HSD17B12: variants seen among roughly 807,000 people sequenced by gnomAD.
The protein encoded by HSD17B12 is hydroxysteroid 17-beta dehydrogenase 12, also known as very-long-chain 3-oxoacyl-CoA reductase.
In HSD17B12, 32 loss-of-function variants were observed where a neutral mutation model predicts 39.3. The ratio of observed to expected loss-of-function variants is 0.81; its 90% confidence interval spans 0.61 to 1.09. The LOEUF is 1.09. Among genes scored for constraint, HSD17B12 ranks in the 50% least tolerant of loss-of-function variants. HSD17B12 has a pLI of 0.00. For missense variants in HSD17B12, 342 were observed against 382.9 expected (o/e 0.89, Z 0.89); for synonymous variants, 150 against 146.7 (o/e 1.02, Z -0.16).
At chr11:43,694,611 C>T (rs371546367) in intron 1 of HSD17B12, among the ~76,000 whole-genome samples, 4 of 151,972 alleles carry the variant, frequency 2.6e-5, no homozygotes, top group East Asian at 3.9e-4. Flanking sequence ...TTGTTTGAGC[C>T]CCGGAGATTG....
chr11:43,761,142 C>T (rs1950552021), intron 3 of HSD17B12, among the ~76,000 whole-genome samples: 1 of 152,158 alleles, frequency 6.6e-6, no homozygotes, highest in Non-Finnish European at 1.5e-5. Context: ...AATCCTTGTT[C>T]CTTACTAGTG....
At chr11:43,571,066 C>T in the HSD17B12 span, among the ~76,000 whole-genome samples, 2 of 152,258 alleles carry the variant, frequency 1.3e-5, no homozygotes, top group African/African-American at 4.8e-5. Context: ...CTTGGCCTAC[C>T]AGATATAGTG....
At chr11:43,729,467 C>T (rs765624102) in intron 1 of HSD17B12, among the ~76,000 whole-genome samples, 5 of 152,102 alleles carry the variant, frequency 3.3e-5, no homozygotes, top group African/African-American at 4.8e-5. Context: ...AGCTCTAGTC[C>T]AGACAGTAAA....
chr11:43,605,886 G>C, the HSD17B12 span, among the ~76,000 whole-genome samples: 13 of 152,202 alleles, frequency 8.5e-5, no homozygotes, highest in Non-Finnish European at 1.8e-4. Context: ...ATGTGTGTTT[G>C]AAAATACAGC....
At chr11:43,798,645 T>G (rs957756348) in intron 4 of HSD17B12, among the ~76,000 whole-genome samples, 26 of 152,278 alleles carry the variant, frequency 1.7e-4, no homozygotes, top group Admixed American at 1.7e-3. Context: ...TTTTCCTTGT[T>G]ATTTCTCTTA....
intron 1 of HSD17B12, among the ~76,000 whole-genome samples, chr11:43,742,692 G>A (rs1950378544): frequency 1.3e-5 from 2 of 151,794 alleles, no homozygotes; most frequent in African/African-American, 2.4e-5. Flanking sequence ...ACTAATTATT[G>A]TAGAACTACA....
the HSD17B12 span, among the ~76,000 whole-genome samples, chr11:43,653,764 T>C: frequency 3.3e-5 from 5 of 152,264 alleles, no homozygotes; most frequent in South Asian, 1.0e-3. Flanking sequence ...TATTCCATGG[T>C]GTATATGTGC....
intron 3 of HSD17B12, among the ~76,000 whole-genome samples, chr11:43,782,373 A>T (rs1950774140): frequency 6.6e-6 from 1 of 152,146 alleles, no homozygotes; most frequent in Middle Eastern, 3.2e-3. Context: ...ACAAATTATA[A>T]TCTGTTAATT....
chr11:43,749,603 T>C (rs1455441861), intron 1 of HSD17B12, among the ~76,000 whole-genome samples: 1 of 152,048 alleles, frequency 6.6e-6, no homozygotes, highest in Non-Finnish European at 1.5e-5. Context: ...TAGGGGTTTG[T>C]TATACTGTTC....
At chr11:43,685,071 G>A (rs1045107420) in intron 1 of HSD17B12, among the ~76,000 whole-genome samples, 1 of 152,162 alleles carries the variant, frequency 6.6e-6, no homozygotes, top group Non-Finnish European at 1.5e-5. Context: ...GTTTTGTGGA[G>A]TGAGGTCAGA....
chr11:43,668,199 C>T, the HSD17B12 span, among the ~76,000 whole-genome samples: 1 of 152,210 alleles, frequency 6.6e-6, no homozygotes, highest in Admixed American at 6.5e-5. Context: ...GCTAAAGTCA[C>T]TGCATTATTT....
intron 7 of HSD17B12, 64 bp from the exon 8 acceptor site, chr11:43,838,253 G>A (rs997271376): frequency 9.5e-7 from 1 of 1,048,386 alleles, no homozygotes; most frequent in Non-Finnish European, 1.5e-6. Context: ...ATCTCAATCT[G>A]TAATTCACAA....
At chr11:43,703,463 G>A (rs2134815478) in intron 1 of HSD17B12, among the ~76,000 whole-genome samples, 1 of 152,238 alleles carries the variant, frequency 6.6e-6, no homozygotes, top group Non-Finnish European at 1.5e-5. Flanking sequence ...CAAAGTGCTG[G>A]GATTACAGGT....
At chr11:43,572,793 C>T in the HSD17B12 span, among the ~76,000 whole-genome samples, 1 of 152,216 alleles carries the variant, frequency 6.6e-6, no homozygotes, top group African/African-American at 2.4e-5. Context: ...TTCTCTCTCC[C>T]TCTTTTCCTT....
intron 1 of HSD17B12, among the ~76,000 whole-genome samples, chr11:43,734,758 GAA>G (rs1950302094): frequency 6.6e-6 from 1 of 152,210 alleles, no homozygotes; most frequent in Non-Finnish European, 1.5e-5. Context: ...AGGGTTAAAA[GAA>G]ATTCAAGTAA....
chr11:43,756,487 CTG>C (rs1473995810), intron 3 of HSD17B12, among the ~76,000 whole-genome samples: 1 of 152,146 alleles, frequency 6.6e-6, no homozygotes. Context: ...GATCTTAGCA[CTG>C]TTTCATTCTT....
intron 4 of HSD17B12, among the ~76,000 whole-genome samples, chr11:43,801,446 G>T (rs541989499): frequency 6.6e-6 from 1 of 152,218 alleles, no homozygotes; most frequent in African/African-American, 2.4e-5. Context: ...TGACTTTCAG[G>T]TTGTGGCTTG....
At chr11:43,802,447 A>G (rs1229200134) in intron 4 of HSD17B12, among the ~76,000 whole-genome samples, 1 of 152,178 alleles carries the variant, frequency 6.6e-6, no homozygotes, top group Non-Finnish European at 1.5e-5. Context: ...TTAATAGCAT[A>G]TCTCAATTCA....
Position 43,741,894 on chromosome 11 carries a change from T to C in HSD17B12, c.161-9017T>C, listed in dbSNP as rs910149623. On this transcript the variant is annotated intron_variant, in intron 1 of 10. Coordinates refer to ENST00000278353, the MANE Select transcript of HSD17B12 (RefSeq NM_016142.3). ...GACTACAGGCGCCTGCCACCACGCC[T>C]GGCTAATTTTTTTGTGTTTTTAGTA... Among the ~76,000 whole-genome samples the C allele has an allele frequency of 3.3e-5, 5 of 149,678 alleles. No individual in the cohort carries two copies. In the South Asian group the frequency reaches 6.3e-4, roughly 19 times the overall value.
Sources: allele counts gnomAD v4.1 joint callset (sites outside exome capture counted in the v4.1 genomes callset), GRCh38; gene constraint gnomAD v4.1.1; transcripts MANE v1.5; gene names NCBI Gene and HGNC (gene_info 2026-07-23, HGNC 2026-07-21).